SLC7A2: variants seen among roughly 807,000 people sequenced by gnomAD.
The protein encoded by SLC7A2 is cationic amino acid transporter 2.
SLC7A2 carries 48 observed loss-of-function variants against 58.9 expected under a neutral mutation model. The ratio of observed to expected loss-of-function variants is 0.82; its 90% CI spans 0.65 to 1.04. SLC7A2 has a LOEUF of 1.04. Among genes scored for constraint, SLC7A2 ranks in the 50% least tolerant of loss-of-function variants. The probability of loss-of-function intolerance (pLI) is 0.00; values close to 1 mark genes in which losing one functional copy is unlikely to be tolerated. For missense variants in SLC7A2, 1,029 were observed against 818.8 expected, an observed-to-expected ratio of 1.26 and a Z score of -3.13; for synonymous variants, 363 against 314.5, an observed-to-expected ratio of 1.15 and a Z score of -1.63.
At chr8:17,562,245 G>C in intron 11 of SLC7A2, 135 bp downstream of exon 11, 1 of 841,826 alleles carries the variant, frequency 1.2e-6, no homozygotes, top group Non-Finnish European at 1.7e-6. Context: ...TTGTCACTCA[G>C]GCTGGAGTGC....
At chr8:17,513,016 A>G (rs745924032) in intron 2 of SLC7A2, among the ~76,000 whole-genome samples, 1 of 152,144 alleles carries the variant, frequency 6.6e-6, no homozygotes, top group Non-Finnish European at 1.5e-5. Context: ...TATAAAGCAC[A>G]TTTTATTAGT....
Position 17,548,717 on chromosome 8 carries a change from A to T in SLC7A2, c.572A>T (p.Asn191Ile), listed in dbSNP as rs1394446086. 6.2e-7 allele frequency: 1 copy of T among 1,613,304 alleles called. No individual in the cohort carries two copies. Among genetic ancestry groups the T allele is most frequent in the Non-Finnish European group, 8.5e-7 (1 of 1,179,656 alleles). The change falls in exon 5 of 13, where the codon AAT becomes ATT. Residue 191 changes from asparagine (N) to isoleucine (I), a missense_variant. Asn to Ile is a moderately radical substitution (Grantham distance 149). Transcript: ENST00000494857. ...GGAGTAAAAGAGTCTGCTTGGGTGA[A>T]TAAAGTCTTCACAGCTGTTAATATT... ...SFGVKESAWVNKVFTAVNILV... is the reference protein window; with the variant it reads ...SFGVKESAWVIKVFTAVNILV...
At chr8:17,549,900 G>A (rs1001529611) in intron 5 of SLC7A2, among the ~76,000 whole-genome samples, 2 of 152,186 alleles carry the variant, frequency 1.3e-5, no homozygotes, top group Non-Finnish European at 2.9e-5. Context: ...CATATACTCT[G>A]CCTTACTCGA....
chr8:17,522,522 G>C lies in SLC7A2; in HGVS notation c.-23+20220G>C, dbSNP rs146586071. ...ATAAGTACCTGGGGACAGAGACTGGGGAGGATTCTTACTATATTTTATCAC... is the reference window on the plus strand; with the variant it reads ...ATAAGTACCTGGGGACAGAGACTGGCGAGGATTCTTACTATATTTTATCAC... On this transcript the variant is annotated intron_variant, in intron 2 of 12. Transcript: ENST00000494857. Among the ~76,000 whole-genome samples the C allele has an allele frequency of 5.2e-3, 793 of 152,206 alleles. 8 individuals carry two copies. Among genetic ancestry groups the C allele is most frequent in the Admixed American group, 0.01 (156 of 15,284 alleles).
At chr8:17,499,531 T>G (rs1402028927) in intron 1 of SLC7A2, among the ~76,000 whole-genome samples, 3 of 151,116 alleles carry the variant, frequency 2.0e-5, no homozygotes, top group African/African-American at 7.3e-5. Flanking sequence ...GTTTGCTTTA[T>G]TTCCCCCAAA....
intron 2 of SLC7A2, among the ~76,000 whole-genome samples, chr8:17,537,354 C>A (rs1451838178): frequency 2.6e-5 from 4 of 152,112 alleles, no homozygotes; most frequent in Non-Finnish European, 5.9e-5. Flanking sequence ...GCCCAGCCCA[C>A]CCTGTGTGGC....
chr8:17,559,751 C>T (rs906778891), intron 9 of SLC7A2, among the ~76,000 whole-genome samples: 1 of 152,090 alleles, frequency 6.6e-6, no homozygotes, highest in African/African-American at 2.4e-5. Context: ...GGGACACAGC[C>T]AAACCATATC....
At chr8:17,518,643 G>A (rs61245259) in intron 2 of SLC7A2, among the ~76,000 whole-genome samples, 27,229 of 151,882 alleles carry the variant, frequency 0.18, 2,529 homozygotes, top group East Asian at 0.29. Flanking sequence ...ATTAGCAAAA[G>A]ACAAACAAAG....
intron 4 of SLC7A2, among the ~76,000 whole-genome samples, chr8:17,544,828 G>A (rs1205954468): frequency 6.6e-6 from 1 of 152,128 alleles, no homozygotes; most frequent in Non-Finnish European, 1.5e-5. Flanking sequence ...CTGAGTAAAT[G>A]GCACCTGGTA....
At chr8:17,554,954 G>A (rs1585259289) in intron 8 of SLC7A2, 1 of 1,613,794 alleles carries the variant, frequency 6.2e-7, no homozygotes, top group Non-Finnish European at 8.5e-7. Flanking sequence ...AGTCTTCTGG[G>A]CTCTATGTTT....
At position 17,567,736 on chromosome 8, in the gene SLC7A2, T is replaced by C. The variant is rs917215518; in HGVS notation, c.*2590T>C. Reference sequence around the variant, plus strand: ...ACCTAATTTTTAGTTTTTAAACTATTTTAAAATATACTATGATTTTATATG... The same window carrying C: ...ACCTAATTTTTAGTTTTTAAACTATCTTAAAATATACTATGATTTTATATG... On this transcript the variant is annotated 3_prime_UTR_variant, in exon 13 of 13. Transcript: ENST00000494857. 1 of 152,252 alleles carries C rather than the reference T, an allele frequency of 6.6e-6. No homozygotes were observed. Among genetic ancestry groups the C allele is most frequent in the African/African-American group, 2.4e-5 (1 of 41,458 alleles). 9.4% of individuals were successfully genotyped at this position (152,252 alleles called of 1,614,324 possible). A position where few individuals can be genotyped will look rare whatever the true frequency, so the allele number is the denominator to read the frequency against.
chr8:17,521,463 C>T (rs180679174), intron 2 of SLC7A2, among the ~76,000 whole-genome samples: 3 of 152,332 alleles, frequency 2.0e-5, no homozygotes, highest in South Asian at 2.1e-4. Context: ...TTTCTGTAAA[C>T]GTCTTGGTTA....
chr8:17,528,640 T>C (rs1257814988), intron 2 of SLC7A2, among the ~76,000 whole-genome samples: 2 of 152,118 alleles, frequency 1.3e-5, no homozygotes, highest in Non-Finnish European at 2.9e-5. Flanking sequence ...CTGAGGAAGT[T>C]AACTCCGCCT....
At chr8:17,535,713 G>A (rs896000397) in intron 2 of SLC7A2, among the ~76,000 whole-genome samples, 1 of 152,136 alleles carries the variant, frequency 6.6e-6, no homozygotes, top group Non-Finnish European at 1.5e-5. Flanking sequence ...AACCAGCCTG[G>A]CCAACATGGT....
chr8:17,533,787 T>C (rs373193175), intron 2 of SLC7A2, among the ~76,000 whole-genome samples: 1 of 152,194 alleles, frequency 6.6e-6, no homozygotes, highest in Non-Finnish European at 1.5e-5. Context: ...CCAGAATACA[T>C]GTGCAGGACG....
chr8:17,544,143 T>G (rs183740968), intron 3 of SLC7A2, among the ~76,000 whole-genome samples: 217 of 152,336 alleles, frequency 1.4e-3, no homozygotes, highest in African/African-American at 4.3e-3. Context: ...GTGCTGGGAT[T>G]GCAGGTGTGA....
rs141860349 is a variant in SLC7A2 at position 17,516,990 on chromosome 8, T to G, written c.-23+14688T>G. 2.0e-3 allele frequency among the ~76,000 whole-genome samples: 302 copies of G among 152,268 alleles called. 2 individuals are homozygous for G. Among genetic ancestry groups the G allele is most frequent in the African/African-American group, 7.1e-3 (295 of 41,552 alleles). ...CCCACAATCAACACTGAAGAGGACT[T>G]TGAAATAGGGGACAGAAAAGTTGCA... On this transcript the variant is annotated intron_variant, in intron 2 of 12. Coordinates refer to ENST00000494857, the MANE Select transcript of SLC7A2 (RefSeq NM_001370338.1).
chr8:17,526,803 A>G (rs547129398), intron 2 of SLC7A2, among the ~76,000 whole-genome samples: 20 of 152,330 alleles, frequency 1.3e-4, no homozygotes, highest in African/African-American at 4.8e-4. Context: ...AGAACACGTT[A>G]TGCCTAACGA....
intron 8 of SLC7A2, among the ~76,000 whole-genome samples, chr8:17,557,393 G>A (rs984534114): frequency 3.3e-5 from 5 of 152,028 alleles, no homozygotes; most frequent in Admixed American, 6.6e-5. Context: ...TTTGGGATTT[G>A]GTATGCAGGA....
Sources: allele counts gnomAD v4.1 joint callset (sites outside exome capture counted in the v4.1 genomes callset), GRCh38; gene constraint gnomAD v4.1.1; transcripts MANE v1.5; gene names NCBI Gene and HGNC (gene_info 2026-07-23, HGNC 2026-07-21).